KLF8: variants seen among roughly 807,000 people sequenced by gnomAD.
KLF8 encodes Krueppel-like factor 8.
KLF8 carries 10 observed loss-of-function variants against 18.2 expected under a neutral mutation model. That is an observed-to-expected ratio of 0.55 (90% confidence interval 0.34 to 0.93). KLF8 has a LOEUF of 0.93. KLF8 is among the 40% of genes least tolerant of loss of function. KLF8 has a pLI of 0.02. For synonymous variants in KLF8, 109 were observed against 97.3 expected, an observed-to-expected ratio of 1.12 and a Z score of -0.71; for missense variants, 264 against 277.9, an observed-to-expected ratio of 0.95 and a Z score of 0.36.
chrX:56,035,239 T>A, the KLF8 span, among the ~76,000 whole-genome samples: 2 of 111,941 alleles, frequency 1.8e-5, no homozygotes, highest in Non-Finnish European at 3.8e-5. Context: ...AGTTCCTAGT[T>A]TATTTTACTT....
At chrX:55,944,982 C>G in the KLF8 span, among the ~76,000 whole-genome samples, 71 of 110,806 alleles carry the variant, frequency 6.4e-4, no homozygotes, top group African/African-American at 2.3e-3. Context: ...CTATAAATTT[C>G]CCTCTACACA....
the KLF8 span, among the ~76,000 whole-genome samples, chrX:56,217,322 T>C: frequency 8.9e-6 from 1 of 111,905 alleles, no homozygotes; most frequent in Non-Finnish European, 1.9e-5. Context: ...AGAACCAAAT[T>C]AGAGGCTGAT....
chrX:56,048,612 G>C, the KLF8 span, among the ~76,000 whole-genome samples: 228 of 111,644 alleles, frequency 2.0e-3, 2 homozygotes, highest in African/African-American at 6.9e-3. Flanking sequence ...GTTCTGTTCT[G>C]TTCCATTGGT....
At chrX:56,076,767 A>G in the KLF8 span, among the ~76,000 whole-genome samples, 4 of 111,695 alleles carry the variant, frequency 3.6e-5, no homozygotes, top group South Asian at 1.5e-3. Context: ...ACAGTGTAAA[A>G]GTGTTCCTAT....
chrX:56,022,325 T>C, the KLF8 span, among the ~76,000 whole-genome samples: 315 of 109,492 alleles, frequency 2.9e-3, no homozygotes, highest in African/African-American at 1.0e-2. Context: ...TGCGGGCGGA[T>C]CACGAGGTCA....
At chrX:56,202,559 T>TTCCCCCCCC in the KLF8 span, among the ~76,000 whole-genome samples, 2 of 75,806 alleles carry the variant, frequency 2.6e-5, no homozygotes, top group Non-Finnish European at 5.3e-5. Context: ...CCATTAACCT[T>TTCCCCCCCC]CCCCCCCCCT....
chrX:56,024,126 TA>T, the KLF8 span, among the ~76,000 whole-genome samples: 1 of 112,068 alleles, frequency 8.9e-6, no homozygotes, highest in African/African-American at 3.2e-5. Flanking sequence ...TTTAATTTTT[TA>T]AAAAATTTAT....
chrX:56,254,186 G>T (rs1487665496), intron 2 of KLF8, among the ~76,000 whole-genome samples: 1 of 112,055 alleles, frequency 8.9e-6, no homozygotes, highest in African/African-American at 3.2e-5. Context: ...ATTGAAGCAG[G>T]ATATTTCCTT....
At chrX:55,997,117 A>G in the KLF8 span, among the ~76,000 whole-genome samples, 2 of 111,653 alleles carry the variant, frequency 1.8e-5, no homozygotes, top group Non-Finnish European at 3.8e-5. Flanking sequence ...GCCTCTGGGA[A>G]GTGCCCCTGG....
At chrX:56,000,238 G>T in the KLF8 span, among the ~76,000 whole-genome samples, 1 of 110,443 alleles carries the variant, frequency 9.1e-6, no homozygotes, top group Non-Finnish European at 1.9e-5. Flanking sequence ...ACTGGATTTG[G>T]TTTGCTAGCA....
At chrX:56,191,137 A>T in the KLF8 span, among the ~76,000 whole-genome samples, 6 of 111,954 alleles carry the variant, frequency 5.4e-5, no homozygotes, top group East Asian at 1.1e-3. Flanking sequence ...GTTATAAATG[A>T]TACTACAGAA....
At chrX:56,196,772 A>T in the KLF8 span, among the ~76,000 whole-genome samples, 1 of 111,775 alleles carries the variant, frequency 8.9e-6, no homozygotes, top group East Asian at 2.8e-4. Flanking sequence ...AGAACTCTCC[A>T]CCCCAAATCA....
the KLF8 span, among the ~76,000 whole-genome samples, chrX:56,085,868 G>A: frequency 8.9e-6 from 1 of 112,112 alleles, no homozygotes; most frequent in East Asian, 2.8e-4. Context: ...CAAGATGGCA[G>A]CTTGAATATG....
the KLF8 span, among the ~76,000 whole-genome samples, chrX:56,069,305 T>G: frequency 8.9e-6 from 1 of 112,018 alleles, no homozygotes; most frequent in South Asian, 3.7e-4. Context: ...AGGAATGCAA[T>G]GCCCACTAGA....
the KLF8 span, among the ~76,000 whole-genome samples, chrX:56,019,861 T>A: frequency 9.0e-6 from 1 of 111,667 alleles, no homozygotes; most frequent in African/African-American, 3.3e-5. Context: ...TTCAGAGAAC[T>A]GTGGTAGGTC....
the KLF8 span, among the ~76,000 whole-genome samples, chrX:56,018,860 T>G: frequency 7.2e-5 from 8 of 110,398 alleles, no homozygotes; most frequent in Non-Finnish European, 1.5e-4. Context: ...ATGTGTGTGT[T>G]TGGTGTGTGT....
At chrX:56,154,214 G>A in the KLF8 span, among the ~76,000 whole-genome samples, 1 of 111,317 alleles carries the variant, frequency 9.0e-6, no homozygotes, top group Non-Finnish European at 1.9e-5. Flanking sequence ...AAACAGCATG[G>A]TACTGGTACC....
the KLF8 span, among the ~76,000 whole-genome samples, chrX:56,084,093 A>T: frequency 8.9e-6 from 1 of 112,145 alleles, no homozygotes; most frequent in Non-Finnish European, 1.9e-5. Flanking sequence ...AGCCAATTAT[A>T]ACTATAATTA....
chrX:56,099,098 C>T, the KLF8 span, among the ~76,000 whole-genome samples: 5 of 112,052 alleles, frequency 4.5e-5, no homozygotes, highest in Non-Finnish European at 9.4e-5. Context: ...CACATGCTAA[C>T]AGGTATCAAT....
Sources: allele counts gnomAD v4.1 joint callset (sites outside exome capture counted in the v4.1 genomes callset), GRCh38; gene constraint gnomAD v4.1.1; transcripts MANE v1.5; gene names NCBI Gene and HGNC (gene_info 2026-07-23, HGNC 2026-07-21).